ST3GAL3: variants seen among roughly 807,000 people sequenced by gnomAD.
ST3GAL3 encodes ST3 beta-galactoside alpha-2,3-sialyltransferase 3, also known as CMP-N-acetylneuraminate-beta-1,4-galactoside alpha-2,3-sialyltransferase.
Under a neutral mutation model 50.1 loss-of-function variants are expected in ST3GAL3, and 21 were observed. The observed-to-expected ratio is 0.42, with a 90% CI of 0.30 to 0.60. The LOEUF is 0.60. Among genes scored for constraint, ST3GAL3 ranks in the 20% least tolerant of loss-of-function variants. The pLI is 0.19. For synonymous variants in ST3GAL3, 183 were observed against 190.0 expected (o/e 0.96, Z 0.30); for missense variants, 353 against 489.4 (o/e 0.72, Z 2.63).
intron 7 of ST3GAL3, 137 bp downstream of exon 7, chr1:43,898,435 G>A: frequency 2.2e-6 from 2 of 904,696 alleles, no homozygotes; most frequent in Non-Finnish European, 3.6e-6. Context: ...CACACACAGG[G>A]TGGGTGGAGC....
intron 2 of ST3GAL3, among the ~76,000 whole-genome samples, chr1:43,740,834 GAGAA>G (rs953648292): frequency 2.7e-5 from 4 of 149,620 alleles, no homozygotes; most frequent in Non-Finnish European, 5.9e-5. Context: ...AAGAGAGAGA[GAGAA>G]AGAGAAGGAG....
intron 2 of ST3GAL3, among the ~76,000 whole-genome samples, chr1:43,764,662 G>C (rs1691875090): frequency 6.6e-6 from 1 of 152,246 alleles, no homozygotes; most frequent in Non-Finnish European, 1.5e-5. Flanking sequence ...ATGGGGACTA[G>C]GGCTCAGATA....
At chr1:43,881,074 G>A (rs534364388) in intron 5 of ST3GAL3, among the ~76,000 whole-genome samples, 40 of 151,536 alleles carry the variant, frequency 2.6e-4, no homozygotes, top group South Asian at 8.4e-4. Context: ...GCAATGGCGC[G>A]ATCTCAGCTC....
intron 1 of ST3GAL3, among the ~76,000 whole-genome samples, chr1:43,726,659 A>G (rs1673053396): frequency 6.6e-6 from 1 of 152,166 alleles, no homozygotes; most frequent in Non-Finnish European, 1.5e-5. Flanking sequence ...CAGTGGCACG[A>G]TCTTGGCTCA....
intron 9 of ST3GAL3, among the ~76,000 whole-genome samples, chr1:43,917,192 T>C (rs1390628056): frequency 6.6e-6 from 1 of 151,724 alleles, no homozygotes; most frequent in South Asian, 2.1e-4. Context: ...CACCAAGATA[T>C]AGATACACAA....
chr1:43,741,755 G>A (rs2154098034), intron 2 of ST3GAL3, among the ~76,000 whole-genome samples: 1 of 152,308 alleles, frequency 6.6e-6, no homozygotes, highest in Admixed American at 6.5e-5. Context: ...AAGCAATTGT[G>A]TCAGCCTGTA....
At chr1:43,717,388 A>G (rs925284786) in intron 1 of ST3GAL3, among the ~76,000 whole-genome samples, 1 of 152,226 alleles carries the variant, frequency 6.6e-6, no homozygotes, top group Non-Finnish European at 1.5e-5. Flanking sequence ...GAAAAAATAC[A>G]TGAGCAGATA....
intron 3 of ST3GAL3, among the ~76,000 whole-genome samples, chr1:43,802,013 A>G (rs74600822): frequency 1.1e-4 from 16 of 152,080 alleles, no homozygotes; most frequent in Non-Finnish European, 2.1e-4. Context: ...CAAACAAACA[A>G]ACAAACAAAC....
chr1:43,745,580 C>T (rs10890277), intron 2 of ST3GAL3, among the ~76,000 whole-genome samples: 48,724 of 152,080 alleles, frequency 0.32, 9,367 homozygotes, highest in East Asian at 0.53. Flanking sequence ...AAAGTGGTTC[C>T]GTAAGATTAT....
intron 1 of ST3GAL3, among the ~76,000 whole-genome samples, chr1:43,722,881 A>G (rs1410894176): frequency 1.3e-5 from 2 of 152,178 alleles, no homozygotes; most frequent in African/African-American, 2.4e-5. Flanking sequence ...AGGGATATCT[A>G]GGCTGAATAT....
chr1:43,718,621 A>G (rs894633519), intron 1 of ST3GAL3, among the ~76,000 whole-genome samples: 3 of 139,424 alleles, frequency 2.2e-5, no homozygotes, highest in African/African-American at 7.8e-5. Flanking sequence ...GAAAAAAGCC[A>G]CTGTTTGAGT....
chr1:43,876,777 G>A (rs747088951), intron 5 of ST3GAL3, among the ~76,000 whole-genome samples: 47 of 152,230 alleles, frequency 3.1e-4, no homozygotes, highest in Admixed American at 2.0e-4. Flanking sequence ...GAATGCTGCA[G>A]CCCAGTAGTT....
chr1:43,838,219 G>T lies in ST3GAL3; in HGVS notation c.210G>T (p.Leu70=). ...LGFLLNLDSK[L]PAELATKYAN... is the part of the protein sequence containing the mutation. ...TGTAACTTTCCTTCTCTTCCCATAG[G>T]CCTGCTGAATTAGCCACCAAGTACG... is the stretch of plus-strand genomic sequence containing the variant. Residue 70 remains leucine, a splice_region_variant and synonymous_variant, in exon 5 of 12, where the codon CTG becomes CTT. Transcript: ENST00000347631. The T allele has an allele frequency of 6.2e-7, 1 of 1,611,220 alleles. No individual in the cohort carries two copies. The highest frequency in any genetic ancestry group is 1.7e-5 in the Admixed American group (1 of 59,882).
chr1:43,914,349 C>T (rs1443476191), intron 9 of ST3GAL3: 1 of 152,118 alleles, frequency 6.6e-6, no homozygotes, highest in Non-Finnish European at 1.5e-5. Flanking sequence ...GACATGGGCA[C>T]CAGAGAGACT....
At chr1:43,898,162 G>C in intron 6 of ST3GAL3, 73 bp from the exon 7 acceptor site, 2 of 1,530,558 alleles carry the variant, frequency 1.3e-6, no homozygotes, top group Non-Finnish European at 1.8e-6. Flanking sequence ...GTGTCTTCCA[G>C]TAGGATTATC....
chr1:43,719,408 T>C (rs749408052), intron 1 of ST3GAL3, among the ~76,000 whole-genome samples: 4 of 151,770 alleles, frequency 2.6e-5, no homozygotes, highest in Non-Finnish European at 5.9e-5. Context: ...ATGCTTGTAA[T>C]ACTAGCACTT....
chr1:43,894,135 G>A (rs1374138631), intron 5 of ST3GAL3: 1 of 522,888 alleles, frequency 1.9e-6, no homozygotes, highest in African/African-American at 1.9e-5. Flanking sequence ...AACAAATCTT[G>A]TCTCTCCACT....
At chr1:43,834,768 C>A (rs996087429) in intron 4 of ST3GAL3, among the ~76,000 whole-genome samples, 1 of 152,290 alleles carries the variant, frequency 6.6e-6, no homozygotes, top group South Asian at 2.1e-4. Context: ...CATGTGTGTC[C>A]CCTCCAAATG....
intron 5 of ST3GAL3, chr1:43,850,728 G>T: frequency 1.3e-6 from 1 of 751,720 alleles, no homozygotes; most frequent in Non-Finnish European, 2.4e-6. Flanking sequence ...CTCCGTCAGT[G>T]CCTCAGACAG....
Sources: allele counts gnomAD v4.1 joint callset (sites outside exome capture counted in the v4.1 genomes callset), GRCh38; gene constraint gnomAD v4.1.1; transcripts MANE v1.5; gene names NCBI Gene and HGNC (gene_info 2026-07-23, HGNC 2026-07-21).